Variants in GATAD1 observed in about 807,000 individuals in gnomAD.
The protein encoded by GATAD1 is GATA zinc finger domain containing 1, also known as GATA zinc finger domain-containing protein 1.
Under a neutral mutation model 26.5 loss-of-function variants are expected in GATAD1, and 12 were observed. The ratio of observed to expected loss-of-function variants is 0.45; its 90% CI spans 0.29 to 0.73. The LOEUF is 0.73. Ranked by LOEUF, GATAD1 falls within the 30% of genes least tolerant of loss-of-function variation. The probability of loss-of-function intolerance (pLI) is 0.10; values close to 1 mark genes in which losing one functional copy is unlikely to be tolerated. For synonymous variants in GATAD1, 129 were observed against 133.1 expected (o/e 0.97, Z 0.21); for missense variants, 266 against 342.1 (o/e 0.78, Z 1.75).
intron 2 of GATAD1, chr7:92,450,073 A>G (rs1268824273): frequency 6.6e-6 from 1 of 152,152 alleles, no homozygotes; most frequent in African/African-American, 2.4e-5. Flanking sequence ...CAATTATTTC[A>G]TTATCGTTTC....
At chr7:92,490,174 AAC>A in the GATAD1 span, 1 of 488,758 alleles carries the variant, frequency 2.0e-6, no homozygotes, top group Non-Finnish European at 3.7e-6. Flanking sequence ...GCTTAAATCC[AAC>A]ACACTAATGC....
intron 3 of GATAD1, among the ~76,000 whole-genome samples, chr7:92,453,092 C>T (rs924133304): frequency 2.6e-5 from 4 of 152,206 alleles, no homozygotes; most frequent in Non-Finnish European, 4.4e-5. Flanking sequence ...CACCCTCAGA[C>T]ACTTGGATAA....
In GATAD1 at chr7:92,458,484, A is replaced by G. The variant is rs1038973862; in HGVS notation, c.*1922A>G. 3 of 152,250 alleles carry G rather than the reference A, an allele frequency of 2.0e-5. No individual in the cohort carries two copies. The highest frequency in any genetic ancestry group is 2.4e-5 in the African/African-American group (1 of 41,464). 9.4% of individuals were successfully genotyped at this position (152,250 alleles called of 1,614,324 possible). ...AGGCCTGTTGTATATGAAATTGTCT[A>G]GAATTCAGGTGCAGGTCTTTGCCGG... On this transcript the variant is annotated 3_prime_UTR_variant, in exon 5 of 5. Transcript: ENST00000287957.
Position 92,457,644 on chromosome 7 carries a change from A to G in GATAD1, c.*1082A>G, listed in dbSNP as rs564350195. 6.6e-5 allele frequency: 10 copies of G among 152,190 alleles called. No individual in the cohort carries two copies. The South Asian group carries it at 8.3e-4, about 13-fold the overall frequency. The allele number at this position is 152,190 out of a possible 1,614,324, so 9.4% of individuals were successfully genotyped here. On this transcript the variant is annotated 3_prime_UTR_variant, in exon 5 of 5. Coordinates refer to ENST00000287957, the MANE Select transcript of GATAD1 (RefSeq NM_021167.5). ...TCTAGAAACTCATAAAATGGATTGT[A>G]TTTTTCTATAAGAACAAAATATTAA...
At chr7:92,456,258 A>C (rs2115884891) in intron 4 of GATAD1, 114 bp from the exon 5 acceptor site, 1 of 584,740 alleles carries the variant, frequency 1.7e-6, no homozygotes, top group Non-Finnish European at 3.0e-6. Flanking sequence ...TTCAAGGGCT[A>C]ATGCCAGGTT....
the GATAD1 span, among the ~76,000 whole-genome samples, chr7:92,492,402 A>G: frequency 6.6e-6 from 1 of 152,220 alleles, no homozygotes; most frequent in Non-Finnish European, 1.5e-5. Context: ...ACTAGGCCCA[A>G]ATGATCCTCC....
intron 2 of GATAD1, chr7:92,449,498 C>A: frequency 1.0e-6 from 1 of 975,946 alleles, no homozygotes; most frequent in Non-Finnish European, 1.2e-6. Context: ...GGATAATGTT[C>A]AAACACAGTG....
chr7:92,448,198 C>T (rs1438638332), intron 1 of GATAD1, among the ~76,000 whole-genome samples: 1 of 152,168 alleles, frequency 6.6e-6, no homozygotes, highest in Admixed American at 6.5e-5. Flanking sequence ...GATGTAAAGC[C>T]CTTAAGAAAA....
At chr7:92,454,750 AGT>A in intron 4 of GATAD1, 65 bp downstream of exon 4, 1 of 1,132,722 alleles carries the variant, frequency 8.8e-7, no homozygotes, top group Non-Finnish European at 1.3e-6. Context: ...TATGTAAAAG[AGT>A]GTGTTAGTCA....
chr7:92,450,726 C>A lies in GATAD1; in HGVS notation c.401C>A (p.Ser134Tyr). The A allele has an allele frequency of 1.2e-6, 2 of 1,609,934 alleles. No individual in the cohort carries two copies. Among genetic ancestry groups the A allele is most frequent in the Non-Finnish European group, 1.7e-6 (2 of 1,176,292 alleles). ...KNPIKAPESV[S>Y]TIITAESIFY... ...CCCATCAAAGCTCCTGAGTCAGTTT[C>A]CACTATAATCACTGCAGAATCAATC... Residue 134 changes from serine to tyrosine, a missense_variant, in exon 3 of 5, where the codon TCC becomes TAC. Transcript: ENST00000287957.
intron 3 of GATAD1, chr7:92,454,197 ATAAAG>A (rs1367831945): frequency 3.5e-5 from 10 of 285,404 alleles, no homozygotes; most frequent in Non-Finnish European, 6.5e-5. Flanking sequence ...TCTGTAAAAA[ATAAAG>A]TCTATTTTTT....
At chr7:92,461,713 CAT>C (rs1446087439), downstream of GATAD1, among the ~76,000 whole-genome samples, 1 of 152,138 alleles carries the variant, frequency 6.6e-6, no homozygotes, top group Non-Finnish European at 1.5e-5. Flanking sequence ...ACAGCTCCCT[CAT>C]GTGGCTGTTG....
the GATAD1 span, among the ~76,000 whole-genome samples, chr7:92,482,729 A>G: frequency 6.6e-6 from 1 of 152,042 alleles, no homozygotes; most frequent in Non-Finnish European, 1.5e-5. Flanking sequence ...ATAGTCGGGG[A>G]AGCAGATAAT....
At chr7:92,470,055 GAAGT>G in the GATAD1 span, 2 of 778,272 alleles carry the variant, frequency 2.6e-6, no homozygotes, top group Non-Finnish European at 4.8e-6. Context: ...CAGTTTGGGT[GAAGT>G]AAGTCCAACA....
the GATAD1 span, chr7:92,489,911 T>G: frequency 6.2e-7 from 1 of 1,612,910 alleles, no homozygotes; most frequent in South Asian, 1.1e-5. Context: ...CATTGTGAGC[T>G]CTGCATGGTA....
intron 2 of GATAD1, chr7:92,449,486 A>G (rs1789325141): frequency 2.1e-6 from 2 of 975,376 alleles, no homozygotes; most frequent in Non-Finnish European, 2.4e-6. Context: ...TTTATAAACA[A>G]GGGATAATGT....
chr7:92,470,556 A>T, the GATAD1 span: 7 of 539,296 alleles, frequency 1.3e-5, no homozygotes, highest in Non-Finnish European at 2.0e-5. Context: ...CAGCCACTTT[A>T]ACCGCAGTTG....
the GATAD1 span, chr7:92,493,183 C>G: frequency 1.0e-6 from 1 of 993,380 alleles, no homozygotes. Context: ...AAAATATTAT[C>G]TTAAATTGTG....
At chr7:92,470,176 G>A in the GATAD1 span, 4 of 778,638 alleles carry the variant, frequency 5.1e-6, no homozygotes, top group Non-Finnish European at 9.6e-6. Context: ...GCAGTTGCGG[G>A]GCATATGGGT....
Sources: gnomAD v4.1 joint callset for allele counts (sites outside exome capture counted in the v4.1 genomes callset) on GRCh38, gnomAD v4.1.1 for gene constraint, MANE v1.5 for transcripts, NCBI Gene and HGNC (gene_info 2026-07-23, HGNC 2026-07-21) for gene names.